The following WDR19 variants were observed in gnomAD, a reference collection of about 807,000 sequenced individuals.
The protein encoded by WDR19 is WD repeat domain 19, also known as WD repeat-containing protein 19.
In WDR19, 121 loss-of-function variants were observed where a neutral mutation model predicts 180.0. That is an observed-to-expected ratio of 0.67 (90% CI 0.58 to 0.78). The LOEUF is 0.78. WDR19 is among the 30% of genes least tolerant of loss of function. The probability of loss-of-function intolerance (pLI) is 0.00; values close to 1 mark genes in which losing one functional copy is unlikely to be tolerated. For synonymous variants in WDR19, 497 were observed against 540.7 expected (o/e 0.92, Z 1.12); for missense variants, 1,450 against 1,640.7 (o/e 0.88, Z 2.01).
In WDR19 at chr4:39,285,471, T is replaced by C. The variant is rs925940774; in HGVS notation, c.*14-16T>C. 6.6e-6 allele frequency: 1 copy of C among 152,250 alleles called. No individual in the cohort carries two copies. The highest frequency in any genetic ancestry group is 1.5e-5 in the Non-Finnish European group (1 of 68,046). The allele number at this position is 152,250 out of a possible 1,614,324, so 9.4% of individuals were successfully genotyped here. On this transcript the variant is annotated splice_polypyrimidine_tract_variant and intron_variant, in intron 36 of 36. Transcript: ENST00000399820. ...GAAACCCTTCTAGAGGCATGTGTTC[T>C]GTTTGTCCTTTCTAGATACAATGCT... is the stretch of plus-strand genomic sequence containing the variant.
chr4:39,218,573 GGTGA>G (rs752870217), intron 14 of WDR19: 4 of 153,644 alleles, frequency 2.6e-5, no homozygotes, highest in African/African-American at 7.2e-5. Flanking sequence ...AATGGCTCTG[GGTGA>G]GTGAGTGAGT....
Position 39,253,245 on chromosome 4 carries a change from T to C in WDR19, c.2829T>C (p.Asn943=). 6.2e-7 allele frequency: 1 copy of C among 1,613,550 alleles called. No homozygotes were observed. Among genetic ancestry groups the C allele is most frequent in the Non-Finnish European group, 8.5e-7 (1 of 1,179,726 alleles). ...DHLNNPEKAV[N]IVRETQSLDG... is the part of the protein sequence containing the mutation. ...TCAATAATCCTGAAAAAGCTGTCAA[T>C]ATTGTTAGAGAGACCCAGTCTCTGG... Residue 943 remains asparagine, a synonymous_variant, in exon 25 of 37, where the codon AAT becomes AAC. Coordinates refer to ENST00000399820, the MANE Select transcript of WDR19 (RefSeq NM_025132.4).
At chr4:39,264,193 GC>G (rs1490034689) in intron 28 of WDR19, among the ~76,000 whole-genome samples, 1 of 152,126 alleles carries the variant, frequency 6.6e-6, no homozygotes, top group Admixed American at 6.5e-5. Flanking sequence ...AGAGTAATCT[GC>G]CCACGATCAC....
intron 36 of WDR19, among the ~76,000 whole-genome samples, chr4:39,279,700 C>CT (rs3068583): frequency 4.0e-5 from 4 of 100,062 alleles, no homozygotes; most frequent in African/African-American, 1.1e-4. Context: ...GTCTGCCTTA[C>CT]TTTTTTTTTT....
intron 23 of WDR19, among the ~76,000 whole-genome samples, chr4:39,244,861 A>C (rs1732342652): frequency 6.6e-6 from 1 of 152,060 alleles, no homozygotes; most frequent in African/African-American, 2.4e-5. Flanking sequence ...GGAGGGAGTG[A>C]AGTGGGTGTT....
At chr4:39,242,912 C>T (rs1732112653) in intron 21 of WDR19, among the ~76,000 whole-genome samples, 1 of 152,006 alleles carries the variant, frequency 6.6e-6, no homozygotes, top group Non-Finnish European at 1.5e-5. Flanking sequence ...AAGTGATCCG[C>T]CCACCTCAGC....
At chr4:39,268,287 A>G (rs1735008030) in intron 30 of WDR19, among the ~76,000 whole-genome samples, 196 bp downstream of exon 30, 1 of 152,192 alleles carries the variant, frequency 6.6e-6, no homozygotes, top group South Asian at 2.1e-4. Context: ...GTATAAATGT[A>G]AGAGACTAAG....
Position 39,228,267 on chromosome 4 carries a change from T to C in WDR19, c.1687T>C (p.Trp563Arg). 1 of 1,613,638 alleles carries C rather than the reference T, an allele frequency of 6.2e-7. No homozygotes were observed. The highest frequency in any genetic ancestry group is 1.1e-5 in the South Asian group (1 of 91,030). The change falls in exon 16 of 37, where the codon TGG (tryptophan) becomes CGG (arginine). Residue 563 changes from tryptophan to arginine, a missense_variant. Coordinates refer to ENST00000399820, the MANE Select transcript of WDR19 (RefSeq NM_025132.4). ...DFSPTIKGVLWENWPMDKGVF... is the reference protein window; with the variant it reads ...DFSPTIKGVLRENWPMDKGVF... ...TTCACCAACCATTAAAGGTGTTCTTTGGGAAAACTGGCCAATGGATAAAGG... is the reference window on the plus strand; with the variant it reads ...TTCACCAACCATTAAAGGTGTTCTTCGGGAAAACTGGCCAATGGATAAAGG...
intron 4 of WDR19, among the ~76,000 whole-genome samples, chr4:39,194,089 T>G (rs762677467): frequency 6.6e-5 from 10 of 152,252 alleles, no homozygotes; most frequent in Non-Finnish European, 1.2e-4. Context: ...TGAGCTACTC[T>G]TAATGGTGAC....
chr4:39,216,803 C>T (rs1485560354), intron 12 of WDR19, among the ~76,000 whole-genome samples: 2 of 152,106 alleles, frequency 1.3e-5, no homozygotes, highest in Non-Finnish European at 2.9e-5. Context: ...TAGAACAAAC[C>T]TGAAAATTAA....
At chr4:39,201,353 TATG>T (rs1414830604) in intron 6 of WDR19, among the ~76,000 whole-genome samples, 2 of 152,200 alleles carry the variant, frequency 1.3e-5, no homozygotes, top group Non-Finnish European at 2.9e-5. Context: ...CTTCATATCA[TATG>T]ACTAGAACCT....
intron 19 of WDR19, among the ~76,000 whole-genome samples, chr4:39,233,705 T>A (rs1289438266): frequency 1.3e-5 from 2 of 152,176 alleles, no homozygotes; most frequent in African/African-American, 4.8e-5. Flanking sequence ...ATAAGAAAAA[T>A]TTAGGTAATT....
intron 31 of WDR19, among the ~76,000 whole-genome samples, chr4:39,271,107 G>A (rs773513806): frequency 1.1e-4 from 17 of 152,162 alleles, no homozygotes; most frequent in Non-Finnish European, 2.1e-4. Context: ...ACGTTGGCCA[G>A]GCTGGTCTCG....
chr4:39,238,261 A>G (rs187931411), intron 20 of WDR19, among the ~76,000 whole-genome samples: 1 of 152,310 alleles, frequency 6.6e-6, no homozygotes, highest in Non-Finnish European at 1.5e-5. Context: ...GTCTTGTTTC[A>G]TTATGCATCC....
intron 4 of WDR19, 60 bp downstream of exon 4, chr4:39,189,841 G>C: frequency 6.6e-7 from 1 of 1,517,444 alleles, no homozygotes; most frequent in Non-Finnish European, 8.8e-7. Context: ...TTGTAGGTTT[G>C]GTGCTAACAA....
chr4:39,278,169 A>C lies in WDR19; in HGVS notation c.3879A>C (p.Pro1293=). ...TGAAAGATGACTGGACGGTGTGTCC[A>C]CATTGTGACTTCCCTGCTCTATACT... ...HMLKDDWTVC[P]HCDFPALYSE... The change falls in exon 35 of 37, where the codon CCA becomes CCC. Residue 1293 remains proline, a synonymous_variant. Coordinates refer to ENST00000399820, the MANE Select transcript of WDR19 (RefSeq NM_025132.4). 2 of 1,607,784 alleles carry C rather than the reference A, an allele frequency of 1.2e-6. No individual in the cohort carries two copies. The highest frequency in any genetic ancestry group is 8.5e-7 in the Non-Finnish European group (1 of 1,177,112).
At chr4:39,187,345 G>A (rs558976111) in intron 3 of WDR19, among the ~76,000 whole-genome samples, 10 of 151,420 alleles carry the variant, frequency 6.6e-5, no homozygotes, top group South Asian at 4.2e-4. Context: ...ACTTGAACCC[G>A]GAAGGTGGAG....
chr4:39,202,503 A>T (rs1482591465), intron 6 of WDR19, among the ~76,000 whole-genome samples: 1 of 152,184 alleles, frequency 6.6e-6, no homozygotes, highest in African/African-American at 2.4e-5. Flanking sequence ...AGGGTGGCAA[A>T]ATTATATAAA....
At position 39,217,943 on chromosome 4, in the gene WDR19, C is replaced by G. The variant is rs751568014; in HGVS notation, c.1357-40C>G. The G allele has an allele frequency of 9.3e-6, 15 of 1,607,842 alleles. No individual in the cohort carries two copies. In the African/African-American group the frequency reaches 2.0e-4, roughly 22 times the overall value. ...CTAGATGTTGTATAGATGGTTTACT[C>G]AAATAAATCTGTGAGCCATTATTAT... On this transcript the variant is annotated intron_variant, in intron 13 of 36. Coordinates refer to ENST00000399820, the MANE Select transcript of WDR19 (RefSeq NM_025132.4).
Sources: allele counts gnomAD v4.1 joint callset (sites outside exome capture counted in the v4.1 genomes callset), GRCh38; gene constraint gnomAD v4.1.1; transcripts MANE v1.5; gene names NCBI Gene and HGNC (gene_info 2026-07-23, HGNC 2026-07-21).